The following CERT1 variants were observed in gnomAD, a reference collection of about 807,000 sequenced individuals.
The protein encoded by CERT1 is ceramide transfer protein.
A neutral mutation model predicts 87.9 loss-of-function variants in CERT1; 31 were observed. That is an observed-to-expected ratio of 0.35 (90% CI 0.27 to 0.48). The LOEUF (loss-of-function observed/expected upper bound fraction) is 0.48. Among genes scored for constraint, CERT1 ranks in the 20% least tolerant of loss-of-function variants. The pLI, the probability that CERT1 is intolerant of heterozygous loss-of-function variation, is 0.99. For synonymous variants in CERT1, 289 were observed against 250.9 expected (o/e 1.15, Z -1.44); for missense variants, 487 against 758.0 (o/e 0.64, Z 4.20).
intron 6 of CERT1, among the ~76,000 whole-genome samples, chr5:75,418,125 C>T (rs1763220433): frequency 6.6e-6 from 1 of 152,198 alleles, no homozygotes; most frequent in South Asian, 2.1e-4. Context: ...CACTGCACTC[C>T]AGCCTGGGTA....
At chr5:75,510,740 A>T (rs1474854272) in intron 1 of CERT1, among the ~76,000 whole-genome samples, 1 of 151,812 alleles carries the variant, frequency 6.6e-6, no homozygotes, top group Non-Finnish European at 1.5e-5. Flanking sequence ...AGAGAGACCA[A>T]CCTCTTTTAA....
chr5:75,409,692 A>G (rs1400141055), intron 8 of CERT1, among the ~76,000 whole-genome samples: 1 of 151,812 alleles, frequency 6.6e-6, no homozygotes, highest in Non-Finnish European at 1.5e-5. Context: ...ACGCCCGGCT[A>G]ATTTTTGCAT....
At chr5:75,457,636 TCAATTTTATTTA>T (rs1044100632) in intron 3 of CERT1, among the ~76,000 whole-genome samples, 42 of 151,934 alleles carry the variant, frequency 2.8e-4, no homozygotes, top group African/African-American at 9.9e-4. Flanking sequence ...GGTAACATAG[TCAATTTTATTTA>T]GGCTGGGAGA....
intron 11 of CERT1, among the ~76,000 whole-genome samples, chr5:75,390,766 C>T (rs897591442): frequency 6.6e-6 from 1 of 152,064 alleles, no homozygotes; most frequent in Non-Finnish European, 1.5e-5. Flanking sequence ...GAATATAGAA[C>T]AGGAATCAGT....
chr5:75,427,284 C>G (rs1763656465), intron 3 of CERT1, among the ~76,000 whole-genome samples: 1 of 152,176 alleles, frequency 6.6e-6, no homozygotes, highest in Non-Finnish European at 1.5e-5. Context: ...TTATTTTCTA[C>G]TGTTACTTTT....
chr5:75,385,205 G>C (rs1008815742), intron 13 of CERT1, among the ~76,000 whole-genome samples: 3 of 152,140 alleles, frequency 2.0e-5, no homozygotes, highest in Non-Finnish European at 4.4e-5. Context: ...GGGTGCAGTG[G>C]CTCACATCTG....
chr5:75,371,248 A>C (rs1401007952), intron 17 of CERT1: 1 of 152,222 alleles, frequency 6.6e-6, no homozygotes, highest in African/African-American at 2.4e-5. Context: ...ACACACTCCC[A>C]AGGTACTTTA....
chr5:75,420,104 G>A (rs1226865968), intron 5 of CERT1, among the ~76,000 whole-genome samples: 2 of 151,408 alleles, frequency 1.3e-5, no homozygotes, highest in Non-Finnish European at 2.9e-5. Context: ...AGCCTCCCAA[G>A]TAGCTGGGAC....
At chr5:75,504,807 A>AT (rs1301679881) in intron 2 of CERT1, among the ~76,000 whole-genome samples, 1 of 131,878 alleles carries the variant, frequency 7.6e-6, no homozygotes, top group Admixed American at 7.8e-5. Context: ...CCAGTATGCT[A>AT]TTTTTTGTAT....
chr5:75,371,769 G>A (rs893990306), intron 17 of CERT1: 5 of 152,174 alleles, frequency 3.3e-5, no homozygotes, highest in Non-Finnish European at 5.9e-5. Context: ...AGAGTAAAGG[G>A]TAGTTTTTTT....
chr5:75,425,299 G>T, intron 5 of CERT1, 62 bp downstream of exon 5: 1 of 1,502,014 alleles, frequency 6.7e-7, no homozygotes, highest in Non-Finnish European at 9.1e-7. Flanking sequence ...TACCCTTTGA[G>T]ATCAAGAGGC....
chr5:75,480,869 C>T (rs897528958), intron 2 of CERT1, among the ~76,000 whole-genome samples: 9 of 152,128 alleles, frequency 5.9e-5, no homozygotes, highest in African/African-American at 1.2e-4. Flanking sequence ...TCGTAATCTC[C>T]ACCACTGTTA....
intron 2 of CERT1, among the ~76,000 whole-genome samples, chr5:75,470,813 C>G (rs1765674224): frequency 6.6e-6 from 1 of 152,142 alleles, no homozygotes; most frequent in South Asian, 2.1e-4. Context: ...CTGCAGATTA[C>G]ATGACCCTTA....
intron 2 of CERT1, among the ~76,000 whole-genome samples, chr5:75,490,493 A>ATTT (rs1399927302): frequency 4.0e-5 from 6 of 149,080 alleles, no homozygotes; most frequent in African/African-American, 1.5e-4. Flanking sequence ...CCTGTACGAA[A>ATTT]TTTTTATTTA....
intron 8 of CERT1, among the ~76,000 whole-genome samples, chr5:75,408,168 AG>A (rs1762790938): frequency 1.3e-5 from 2 of 152,278 alleles, no homozygotes; most frequent in South Asian, 4.2e-4. Context: ...AGGGGTCTGA[AG>A]GAACTCCTCA....
intron 2 of CERT1, among the ~76,000 whole-genome samples, chr5:75,478,935 A>G (rs1382295697): frequency 6.9e-6 from 1 of 145,166 alleles, no homozygotes; most frequent in Non-Finnish European, 1.5e-5. Flanking sequence ...AAAAAAAAAA[A>G]AAAAGCCACA....
intron 16 of CERT1, among the ~76,000 whole-genome samples, chr5:75,379,911 C>T (rs1335578873): frequency 6.6e-6 from 1 of 152,046 alleles, no homozygotes; most frequent in Non-Finnish European, 1.5e-5. Flanking sequence ...AAGTCCCAAC[C>T]CTTCATTCCT....
intron 3 of CERT1, among the ~76,000 whole-genome samples, chr5:75,433,871 G>A (rs1320218058): frequency 6.6e-6 from 1 of 152,052 alleles, no homozygotes; most frequent in Non-Finnish European, 1.5e-5. Flanking sequence ...TTTGTTTATT[G>A]GTTCTAGGAG....
At chr5:75,506,194 A>G (rs115888642) in intron 1 of CERT1, 78 bp from the exon 2 acceptor site, 2 of 1,401,530 alleles carry the variant, frequency 1.4e-6, no homozygotes, top group East Asian at 2.4e-5. Context: ...TTTGTGAAAC[A>G]GCAATCTAAT....
Sources: allele counts gnomAD v4.1 joint callset (sites outside exome capture counted in the v4.1 genomes callset), GRCh38; gene constraint gnomAD v4.1.1; transcripts MANE v1.5; gene names NCBI Gene and HGNC (gene_info 2026-07-23, HGNC 2026-07-21).